PNLIPRP3: variants seen among roughly 807,000 people sequenced by gnomAD.
The protein encoded by PNLIPRP3 is pancreatic lipase related protein 3.
PNLIPRP3 carries 58 observed loss-of-function variants against 52.8 expected under a neutral mutation model. The observed-to-expected ratio is 1.10, with a 90% CI of 0.89 to 1.37. The LOEUF is 1.37. PNLIPRP3 is among the 40% of genes most tolerant of loss of function. The pLI is 0.00. For synonymous variants in PNLIPRP3, 192 were observed against 185.0 expected, an observed-to-expected ratio of 1.04 and a Z score of -0.31; for missense variants, 593 against 561.6, an observed-to-expected ratio of 1.06 and a Z score of -0.57.
At chr10:116,441,006 C>T (rs1260239273) in intron 2 of PNLIPRP3, among the ~76,000 whole-genome samples, 1 of 152,166 alleles carries the variant, frequency 6.6e-6, no homozygotes, top group Non-Finnish European at 1.5e-5. Flanking sequence ...CTTTAATTAA[C>T]CCTTCCTCTC....
chr10:116,454,398 G>A (rs574974396), intron 4 of PNLIPRP3, among the ~76,000 whole-genome samples: 4 of 152,302 alleles, frequency 2.6e-5, no homozygotes, highest in South Asian at 4.1e-4. Flanking sequence ...GATTACAGGC[G>A]TGAGCCCCCA....
At chr10:116,447,958 CA>C (rs35367938) in intron 4 of PNLIPRP3, among the ~76,000 whole-genome samples, 87,658 of 108,408 alleles carry the variant, frequency 0.81, 34,424 homozygotes, top group South Asian at 0.91. Context: ...GAGACTCCAT[CA>C]AAAAAAAAAA....
In PNLIPRP3 at chr10:116,460,795, C is replaced by A. The variant is rs1846180417; in HGVS notation, c.566-171C>A. On this transcript the variant is annotated intron_variant, in intron 5 of 11. Coordinates refer to ENST00000369230, the MANE Select transcript of PNLIPRP3 (RefSeq NM_001011709.3). ...GCATTACTTATCTGTAGATACTTGA[C>A]ATTGCAATATATAGAGACCCTACAT... Among the ~76,000 whole-genome samples, 3 of 151,740 alleles carry A rather than the reference C, an allele frequency of 2.0e-5. No individual in the cohort carries two copies. In the South Asian group the frequency reaches 6.2e-4, roughly 32 times the overall value.
chr10:116,430,084 A>G (rs1341523127), intron 1 of PNLIPRP3, among the ~76,000 whole-genome samples: 1 of 152,140 alleles, frequency 6.6e-6, no homozygotes, highest in African/African-American at 2.4e-5. Flanking sequence ...TAGGTGAGAG[A>G]AGATGGAGTC....
At chr10:116,454,015 A>G (rs1846076357) in intron 4 of PNLIPRP3, among the ~76,000 whole-genome samples, 1 of 151,744 alleles carries the variant, frequency 6.6e-6, no homozygotes, top group African/African-American at 2.4e-5. Flanking sequence ...ACTCCCACTT[A>G]CGAGTGAGAA....
chr10:116,471,718 T>A (rs1564705664), intron 9 of PNLIPRP3, 50 bp from the exon 10 acceptor site: 1 of 1,370,346 alleles, frequency 7.3e-7, no homozygotes, highest in South Asian at 1.2e-5. Flanking sequence ...ATACTTCCCA[T>A]GTGTTTTTAA....
intron 7 of PNLIPRP3, among the ~76,000 whole-genome samples, chr10:116,464,311 G>A (rs182745605): frequency 5.0e-4 from 76 of 152,310 alleles, no homozygotes; most frequent in Non-Finnish European, 8.7e-4. Flanking sequence ...TATATGCACA[G>A]GGATATTGTG....
chr10:116,438,268 G>A (rs943241147), intron 2 of PNLIPRP3, among the ~76,000 whole-genome samples: 4 of 152,162 alleles, frequency 2.6e-5, no homozygotes, highest in Admixed American at 1.3e-4. Flanking sequence ...GCAGAGAAAC[G>A]AGGGCAGGAC....
intron 5 of PNLIPRP3, 30 bp from the exon 6 acceptor site, chr10:116,460,936 T>C (rs757097145): frequency 7.5e-6 from 12 of 1,606,978 alleles, no homozygotes; most frequent in Admixed American, 1.7e-5. Flanking sequence ...TGCACTTCCA[T>C]AGAACATGTC....
At chr10:116,464,950 T>A (rs1207797823) in intron 7 of PNLIPRP3, among the ~76,000 whole-genome samples, 2 of 152,198 alleles carry the variant, frequency 1.3e-5, no homozygotes, top group Non-Finnish European at 2.9e-5. Context: ...TTTCAGCAGC[T>A]CCTTTGGCAC....
Position 116,434,571 on chromosome 10 carries a change from T to C in PNLIPRP3, c.50-2140T>C, listed in dbSNP as rs77145553. ...CATTTTCCTTTAACTTTACACTCTC[T>C]GTGAGCATTTTCTTATGGAAAAAAG... On this transcript the variant is annotated intron_variant, in intron 1 of 11. Transcript: ENST00000369230. Among the ~76,000 whole-genome samples the C allele has an allele frequency of 4.1e-4, 62 of 152,332 alleles. 1 individual carries two copies. In the East Asian group the frequency reaches 9.1e-3, roughly 22 times the overall value.
At chr10:116,467,994 G>A (rs1353635977) in intron 8 of PNLIPRP3, among the ~76,000 whole-genome samples, 4 of 151,582 alleles carry the variant, frequency 2.6e-5, no homozygotes, top group East Asian at 2.0e-4. Flanking sequence ...GCGTGGTGGC[G>A]GGTGCCTGTA....
chr10:116,473,580 G>T (rs181203332), intron 10 of PNLIPRP3, among the ~76,000 whole-genome samples: 73 of 151,822 alleles, frequency 4.8e-4, no homozygotes, highest in Admixed American at 1.9e-3. Context: ...GGAGTGTAGT[G>T]GCATGATCTC....
At chr10:116,443,329 C>A (rs1039092182) in intron 3 of PNLIPRP3, among the ~76,000 whole-genome samples, 155 bp downstream of exon 3, 3 of 152,036 alleles carry the variant, frequency 2.0e-5, no homozygotes, top group African/African-American at 7.2e-5. Context: ...TTATCCATTT[C>A]CCATTTATTT....
intron 9 of PNLIPRP3, 52 bp downstream of exon 9, chr10:116,469,369 A>G: frequency 1.3e-6 from 2 of 1,503,010 alleles, no homozygotes; most frequent in Non-Finnish European, 1.8e-6. Flanking sequence ...CTTATCTTTA[A>G]AAATTCAACA....
At chr10:116,453,560 G>A (rs1823927201) in intron 4 of PNLIPRP3, among the ~76,000 whole-genome samples, 1 of 152,028 alleles carries the variant, frequency 6.6e-6, no homozygotes, top group South Asian at 2.1e-4. Flanking sequence ...CTTAGTGGGA[G>A]GTATTAGATC....
rs7893631 is a variant in PNLIPRP3, at chr10:116,446,564, A to G, written c.456+2051A>G. On this transcript the variant is annotated intron_variant, in intron 4 of 11. Coordinates refer to ENST00000369230, the MANE Select transcript of PNLIPRP3 (RefSeq NM_001011709.3). ...AGTATAAATCAATTGCTTGATTTTC[A>G]TGATAATTATGAGAGCCTGAAACTT... 3.3e-3 allele frequency among the ~76,000 whole-genome samples: 496 copies of G among 152,282 alleles called. 3 individuals are homozygous for G. Among genetic ancestry groups the G allele is most frequent in the African/African-American group, 0.011 (471 of 41,570 alleles).
Position 116,477,248 on chromosome 10 carries a change from A to G in PNLIPRP3, c.*95A>G, listed in dbSNP as rs967873910. On this transcript the variant is annotated 3_prime_UTR_variant, in exon 12 of 12. Transcript: ENST00000369230. Reference sequence around the variant, plus strand: ...TCCAGACCAAATTTGACCCTTGTAAATGACTTAGTCATTTACAAGGGTCTT... The same window carrying G: ...TCCAGACCAAATTTGACCCTTGTAAGTGACTTAGTCATTTACAAGGGTCTT... 9.2e-5 allele frequency: 93 copies of G among 1,005,570 alleles called. No individual in the cohort carries two copies. The African/African-American group carries it at 1.3e-3, about 14-fold the overall frequency. The allele number at this position is 1,005,570 out of a possible 1,614,324, so 62.3% of individuals were successfully genotyped here.
chr10:116,461,331 C>CT, intron 7 of PNLIPRP3, 41 bp downstream of exon 7: 1 of 1,590,460 alleles, frequency 6.3e-7, no homozygotes, highest in South Asian at 1.1e-5. Flanking sequence ...GATGCATATT[C>CT]ACTTAGCTCT....
Sources: allele counts gnomAD v4.1 joint callset (sites outside exome capture counted in the v4.1 genomes callset), GRCh38; gene constraint gnomAD v4.1.1; transcripts MANE v1.5; gene names NCBI Gene and HGNC (gene_info 2026-07-23, HGNC 2026-07-21).